Variants in HMGXB4 observed in about 807,000 individuals in gnomAD.
HMGXB4 encodes HMG domain-containing protein 4.
HMGXB4 carries 27 observed loss-of-function variants against 63.9 expected under a neutral mutation model. That is an observed-to-expected ratio of 0.42 (90% CI 0.31 to 0.58). The LOEUF is 0.58. HMGXB4 is among the 20% of genes least tolerant of loss of function. The pLI, the probability that HMGXB4 is intolerant of heterozygous loss-of-function variation, is 0.13. For missense variants in HMGXB4, 624 were observed against 700.7 expected, an observed-to-expected ratio of 0.89 and a Z score of 1.24; for synonymous variants, 264 against 265.3, an observed-to-expected ratio of 0.99 and a Z score of 0.05.
intron 5 of HMGXB4, among the ~76,000 whole-genome samples, chr22:35,274,239 A>T (rs1923768554): frequency 6.6e-6 from 1 of 152,226 alleles, no homozygotes; most frequent in African/African-American, 2.4e-5. Context: ...AGTAGGAATT[A>T]TCAGGTGGAA....
intron 9 of HMGXB4, among the ~76,000 whole-genome samples, chr22:35,289,893 C>T (rs1924823828): frequency 6.6e-6 from 1 of 152,202 alleles, no homozygotes; most frequent in Non-Finnish European, 1.5e-5. Context: ...GTCTAAGCTA[C>T]TAAAGCCATT....
At chr22:35,290,570 G>GCAGTGGCGCCGC (rs1293620385) in intron 9 of HMGXB4, among the ~76,000 whole-genome samples, 1 of 148,528 alleles carries the variant, frequency 6.7e-6, no homozygotes, top group Non-Finnish European at 1.5e-5. Flanking sequence ...GGCGGAGCTT[G>GCAGTGGCGCCGC]CAGTGAGCCG....
At chr22:35,246,752 T>C in the HMGXB4 span, among the ~76,000 whole-genome samples, 1 of 152,322 alleles carries the variant, frequency 6.6e-6, no homozygotes, top group East Asian at 1.9e-4. Context: ...AGGTCCCCGG[T>C]TGTTCTGCCT....
At chr22:35,256,443 C>T (rs1293929609), upstream of HMGXB4, among the ~76,000 whole-genome samples, 1 of 152,156 alleles carries the variant, frequency 6.6e-6, no homozygotes, top group Non-Finnish European at 1.5e-5. Flanking sequence ...GAGCTCACTA[C>T]TCACAAGGAA....
In HMGXB4 at chr22:35,283,073, C is replaced by T. The variant is rs1348391213; in HGVS notation, c.1216-889C>T. Among the ~76,000 whole-genome samples the T allele has an allele frequency of 2.6e-5, 4 of 152,292 alleles. No individual in the cohort carries two copies. In the East Asian group the frequency reaches 5.8e-4, roughly 22 times the overall value. ...ACAGAGCTGTTTGTTGAAGTGAAGG[C>T]GTTGCATCTGACAGTGACTACCAAA... On this transcript the variant is annotated intron_variant, in intron 5 of 10. Transcript: ENST00000216106.
the HMGXB4 span, among the ~76,000 whole-genome samples, chr22:35,245,062 C>T: frequency 7.2e-5 from 11 of 152,038 alleles, no homozygotes; most frequent in East Asian, 9.6e-4. Flanking sequence ...TTAGTAGAGA[C>T]GGGGTTTCAC....
At chr22:35,260,266 G>A (rs1922763340) in intron 1 of HMGXB4, among the ~76,000 whole-genome samples, 2 of 152,192 alleles carry the variant, frequency 1.3e-5, no homozygotes, top group African/African-American at 4.8e-5. Context: ...CACAGAAAGT[G>A]TTTAATTTGA....
rs539994038 is a variant in HMGXB4 at position 35,289,073 on chromosome 22, G to A, written c.1638+666G>A. Among the ~76,000 whole-genome samples the A allele has an allele frequency of 2.0e-5, 3 of 152,018 alleles. No individual in the cohort carries two copies. In the East Asian group the frequency reaches 5.8e-4, roughly 30 times the overall value. ...GAGAATCACTTGAACCTGGGAGGCA[G>A]AGGTTGCAGTGAGTCAAGATTGCGC... On this transcript the variant is annotated intron_variant, in intron 9 of 10. Coordinates refer to ENST00000216106, the MANE Select transcript of HMGXB4 (RefSeq NM_001003681.3).
At chr22:35,285,859 G>C (rs1364436727) in intron 6 of HMGXB4, 138 bp from the exon 7 acceptor site, 1 of 606,850 alleles carries the variant, frequency 1.6e-6, no homozygotes, top group Non-Finnish European at 2.9e-6. Context: ...GATGGGATTG[G>C]GGTTGGTTTT....
the HMGXB4 span, among the ~76,000 whole-genome samples, chr22:35,245,548 CAATT>C: frequency 2.6e-5 from 4 of 151,988 alleles, no homozygotes; most frequent in Admixed American, 1.3e-4. Context: ...TGGTATCTAT[CAATT>C]GTCTTCTTTC....
chr22:35,257,253 G>A (rs1568991867), upstream of HMGXB4, among the ~76,000 whole-genome samples: 1 of 152,196 alleles, frequency 6.6e-6, no homozygotes, highest in Non-Finnish European at 1.5e-5. Flanking sequence ...CTCTCAGCCT[G>A]GTTCTCTTCT....
Position 35,264,866 on chromosome 22 carries a change from C to G in HMGXB4, c.478C>G (p.Pro160Ala). Residue 160 changes from proline (P) to alanine (A), a missense_variant, in exon 5 of 11, where the codon CCC becomes GCC. Physicochemically the swap from Pro to Ala is conservative, Grantham distance 27. Transcript: ENST00000216106. ...AGTCAGTGGAAGCAGTGGGGAACTACCCCTAGAGGATGGTGGCTCCCACAA... is the reference window on the plus strand; with the variant it reads ...AGTCAGTGGAAGCAGTGGGGAACTAGCCCTAGAGGATGGTGGCTCCCACAA... The part of the protein sequence containing the change: ...KKVSGSSGEL[P>A]LEDGGSHKSK... The G allele has an allele frequency of 1.2e-6, 2 of 1,614,056 alleles. No homozygotes were observed. The highest frequency in any genetic ancestry group is 1.7e-6 in the Non-Finnish European group (2 of 1,179,980).
At chr22:35,270,560 C>T (rs908423604) in intron 5 of HMGXB4, among the ~76,000 whole-genome samples, 8 of 152,190 alleles carry the variant, frequency 5.3e-5, no homozygotes, top group African/African-American at 1.9e-4. Flanking sequence ...TACCCGGTGC[C>T]AAAAAGGTTG....
chr22:35,292,241 A>T (rs189788935), intron 9 of HMGXB4, among the ~76,000 whole-genome samples: 12 of 152,308 alleles, frequency 7.9e-5, no homozygotes, highest in African/African-American at 2.9e-4. Context: ...TCTGCTGCAG[A>T]TGCTGTTAGT....
chr22:35,270,773 G>GT (rs1294850879), intron 5 of HMGXB4, among the ~76,000 whole-genome samples: 12 of 152,186 alleles, frequency 7.9e-5, no homozygotes, highest in Non-Finnish European at 1.0e-4. Context: ...CTTATTAAGA[G>GT]TTAATATCTT....
At chr22:35,268,012 A>G (rs1402091506) in intron 5 of HMGXB4, among the ~76,000 whole-genome samples, 1 of 152,232 alleles carries the variant, frequency 6.6e-6, no homozygotes, top group African/African-American at 2.4e-5. Flanking sequence ...TGAGCCCAGG[A>G]GGCAGGTGCT....
At chr22:35,251,463 A>G in the HMGXB4 span, among the ~76,000 whole-genome samples, 257 of 152,342 alleles carry the variant, frequency 1.7e-3, no homozygotes, top group Non-Finnish European at 3.3e-3. Flanking sequence ...ATTCAGTGAC[A>G]TCTAATCAAA....
the HMGXB4 span, among the ~76,000 whole-genome samples, chr22:35,247,981 T>C: frequency 6.6e-6 from 1 of 152,162 alleles, no homozygotes; most frequent in Non-Finnish European, 1.5e-5. Flanking sequence ...CTAGATGGGA[T>C]AGCCTATCAC....
In HMGXB4 at chr22:35,265,176, G is replaced by GC; in HGVS notation, c.791dup (p.Glu265Ter). On this transcript the variant is annotated frameshift_variant, in exon 5 of 11. Coordinates refer to ENST00000216106, the MANE Select transcript of HMGXB4 (RefSeq NM_001003681.3). LOFTEE classifies it high-confidence loss of function. ...TCCTCAGACGCACATTCATCTCCTG[G>GC]CCCTGAAGGCTGTGGGTCTGACGCC... The GC allele has an allele frequency of 6.2e-7, 1 of 1,614,034 alleles. No individual in the cohort carries two copies. The highest frequency in any genetic ancestry group is 1.3e-5 in the African/African-American group (1 of 74,986).
Sources: allele counts gnomAD v4.1 joint callset (sites outside exome capture counted in the v4.1 genomes callset), GRCh38; gene constraint gnomAD v4.1.1; transcripts MANE v1.5; gene names NCBI Gene and HGNC (gene_info 2026-07-23, HGNC 2026-07-21).